NTPCR: variants seen among roughly 807,000 people sequenced by gnomAD.
The protein encoded by NTPCR is cancer-related nucleoside-triphosphatase.
NTPCR carries 15 observed loss-of-function variants against 19.5 expected under a neutral mutation model. The observed-to-expected ratio is 0.77, with a 90% CI of 0.51 to 1.18. The LOEUF is 1.18. Ranked by LOEUF, NTPCR falls within the 50% of genes most tolerant of loss-of-function variation. NTPCR has a pLI of 0.00. For missense variants in NTPCR, 206 were observed against 240.4 expected (o/e 0.86, Z 0.95); for synonymous variants, 90 against 95.8 (o/e 0.94, Z 0.36).
chr1:232,952,375 A>ATTTT, intron 1 of NTPCR, among the ~76,000 whole-genome samples: 1 of 141,772 alleles, frequency 7.1e-6, no homozygotes, highest in South Asian at 2.2e-4. Flanking sequence ...ACACCCGGGT[A>ATTTT]TTTTTTTTTT....
chr1:232,956,620 G>A (rs1467444487), intron 3 of NTPCR, among the ~76,000 whole-genome samples, 177 bp downstream of exon 3: 1 of 152,190 alleles, frequency 6.6e-6, no homozygotes, highest in Non-Finnish European at 1.5e-5. Flanking sequence ...CTGAGCTACA[G>A]ATAAATTCCT....
intron 3 of NTPCR, among the ~76,000 whole-genome samples, chr1:232,956,657 A>T (rs1668520500): frequency 6.6e-6 from 1 of 152,186 alleles, no homozygotes; most frequent in Non-Finnish European, 1.5e-5. Flanking sequence ...TAAATATTTT[A>T]TTTTGGAAAG....
At position 232,978,189 on chromosome 1, in the gene NTPCR, T is replaced by C. The variant is rs1669196243; in HGVS notation, c.531T>C (p.Leu177=). Residue 177 remains leucine, a synonymous_variant, in exon 5 of 5, where the codon CTT becomes CTC. Coordinates refer to ENST00000366628, the MANE Select transcript of NTPCR (RefSeq NM_032324.3). ...FNVTKENRNH[L]LPDIVTCVQS... ...TCACCAAGGAAAACAGAAACCACCTTCTGCCAGATATCGTGACGTGCGTGC... is the reference window on the plus strand; with the variant it reads ...TCACCAAGGAAAACAGAAACCACCTCCTGCCAGATATCGTGACGTGCGTGC... 6.2e-7 allele frequency: 1 copy of C among 1,614,194 alleles called. No homozygotes were observed.
At chr1:232,972,448 A>G (rs1301401401) in intron 4 of NTPCR, among the ~76,000 whole-genome samples, 11 of 151,484 alleles carry the variant, frequency 7.3e-5, no homozygotes, top group Admixed American at 7.2e-4. Flanking sequence ...TTTTTCTGAG[A>G]CAAGGTTAGT....
intron 1 of NTPCR, among the ~76,000 whole-genome samples, chr1:232,955,117 C>A (rs1020592645): frequency 6.6e-6 from 1 of 151,032 alleles, no homozygotes; most frequent in African/African-American, 2.4e-5. Flanking sequence ...AGTGTAGGTC[C>A]GTTTGTAATC....
chr1:232,979,216 T>A lies in NTPCR; in HGVS notation c.*985T>A, dbSNP rs1196623301. The A allele has an allele frequency of 6.6e-6, 1 of 152,178 alleles. No homozygotes were observed. Among genetic ancestry groups the A allele is most frequent in the Non-Finnish European group, 1.5e-5 (1 of 68,030 alleles). The allele number at this position is 152,178 out of a possible 1,614,324, so 9.4% of individuals were successfully genotyped here. A position where few individuals can be genotyped will look rare whatever the true frequency, so the allele number is the denominator to read the frequency against. Reference sequence around the variant, plus strand: ...CTTCCCTCCAAGTGGTAGATGGTACTGGAGTGATAAACAGTTCAGTGTTTT... The same window carrying A: ...CTTCCCTCCAAGTGGTAGATGGTACAGGAGTGATAAACAGTTCAGTGTTTT... On this transcript the variant is annotated 3_prime_UTR_variant, in exon 5 of 5. Coordinates refer to ENST00000366628, the MANE Select transcript of NTPCR (RefSeq NM_032324.3). The surrounding 1 kb of genome is among the most constrained non-coding windows in gnomAD (Gnocchi z 5.3).
At chr1:232,959,146 G>A (rs549085855) in intron 3 of NTPCR, among the ~76,000 whole-genome samples, 2 of 152,166 alleles carry the variant, frequency 1.3e-5, no homozygotes, top group African/African-American at 2.4e-5. Context: ...ATCCCCATGT[G>A]TGGAGGGAGA....
intron 4 of NTPCR, among the ~76,000 whole-genome samples, chr1:232,973,657 T>C: frequency 6.6e-6 from 1 of 152,162 alleles, no homozygotes; most frequent in East Asian, 1.9e-4. Context: ...AAATGCTTCA[T>C]AAAATTACAG....
At position 232,978,800 on chromosome 1, in the gene NTPCR, G is replaced by A. The variant is rs1669217121; in HGVS notation, c.*569G>A. On this transcript the variant is annotated 3_prime_UTR_variant, in exon 5 of 5. Coordinates refer to ENST00000366628, the MANE Select transcript of NTPCR (RefSeq NM_032324.3). The stretch of plus-strand genomic sequence containing the variant: ...AAAATAAATCTGATGGTTACAGACA[G>A]GAGGCATTGTGTGGGAGGAATACAC... 1 of 152,316 alleles carries A rather than the reference G, an allele frequency of 6.6e-6. No individual in the cohort carries two copies. The highest frequency in any genetic ancestry group is 1.5e-5 in the Non-Finnish European group (1 of 68,112). The allele number at this position is 152,316 out of a possible 1,614,324, so 9.4% of individuals were successfully genotyped here.
intron 1 of NTPCR, among the ~76,000 whole-genome samples, chr1:232,951,749 G>C (rs935616922): frequency 6.6e-6 from 1 of 152,176 alleles, no homozygotes; most frequent in Non-Finnish European, 1.5e-5. Context: ...GATTTTGTCA[G>C]GCATTGGATG....
At chr1:232,973,134 C>CGTG (rs1357774118) in intron 4 of NTPCR, among the ~76,000 whole-genome samples, 15 of 152,208 alleles carry the variant, frequency 9.9e-5, no homozygotes, top group African/African-American at 2.6e-4. Flanking sequence ...AGACTGAGCC[C>CGTG]GTGATATGGG....
intron 1 of NTPCR, among the ~76,000 whole-genome samples, chr1:232,952,631 C>T (rs1161231431): frequency 6.6e-6 from 1 of 152,110 alleles, no homozygotes; most frequent in Non-Finnish European, 1.5e-5. Flanking sequence ...CCACCTCAGC[C>T]TCCCTAGTAG....
rs994952938 is a variant in NTPCR, at chr1:232,978,569, T to C, written c.*338T>C. The stretch of plus-strand genomic sequence containing the variant: ...ATTCACCCCCGTTGAAGTTTATAAA[T>C]GTGTTCAGGGGAAGCGGGAGGAAAG... On this transcript the variant is annotated 3_prime_UTR_variant, in exon 5 of 5. Coordinates refer to ENST00000366628, the MANE Select transcript of NTPCR (RefSeq NM_032324.3). 1.0e-5 allele frequency: 2 copies of C among 193,494 alleles called. No individual in the cohort carries two copies. The highest frequency in any genetic ancestry group is 2.3e-5 in the African/African-American group (1 of 42,878). 12.0% of individuals were successfully genotyped at this position (193,494 alleles called of 1,614,324 possible). A position where few individuals can be genotyped will look rare whatever the true frequency, so the allele number is the denominator to read the frequency against.
chr1:232,953,562 C>G (rs369281589), intron 1 of NTPCR, among the ~76,000 whole-genome samples: 1 of 151,688 alleles, frequency 6.6e-6, no homozygotes, highest in Non-Finnish European at 1.5e-5. Flanking sequence ...AAAATATAAA[C>G]GGCAATTTTT....
rs1669279484 is a variant in NTPCR at position 232,981,521 on chromosome 1, CATTG to C, written c.*3291_*3294del. 1 of 152,142 alleles carries C rather than the reference CATTG, an allele frequency of 6.6e-6. No individual in the cohort carries two copies. Among genetic ancestry groups the C allele is most frequent in the African/African-American group, 2.4e-5 (1 of 41,424 alleles). 9.4% of individuals were successfully genotyped at this position (152,142 alleles called of 1,614,324 possible). On this transcript the variant is annotated 3_prime_UTR_variant, in exon 5 of 5. Coordinates refer to ENST00000366628, the MANE Select transcript of NTPCR (RefSeq NM_032324.3). ...GGGTGGGCTAAGTAAACAGGCATTG[CATTG>C]CACATTTTGTGGGCAAAGAAGTTGA...
chr1:232,975,366 G>A (rs1272797099), intron 4 of NTPCR, among the ~76,000 whole-genome samples: 2 of 152,144 alleles, frequency 1.3e-5, no homozygotes, highest in African/African-American at 2.4e-5. Context: ...TAGGTACGGC[G>A]AGAGACAGTA....
chr1:232,980,711 T>C lies in NTPCR; in HGVS notation c.*2480T>C, dbSNP rs72759988. 37,263 of 152,074 alleles carry C rather than the reference T, an allele frequency of 0.25. 4,623 individuals are homozygous for C. The highest frequency in any genetic ancestry group is 0.31 in the African/African-American group (12,887 of 41,448). 9.4% of individuals were successfully genotyped at this position (152,074 alleles called of 1,614,324 possible). A position where few individuals can be genotyped will look rare whatever the true frequency, so the allele number is the denominator to read the frequency against. On this transcript the variant is annotated 3_prime_UTR_variant, in exon 5 of 5. Transcript: ENST00000366628. Reference sequence around the variant, plus strand: ...CACACAGCCTGTAGCAACAGTGTCATGCTGAGATTTAAAGGAAGAAGAGGT... The same window carrying C: ...CACACAGCCTGTAGCAACAGTGTCACGCTGAGATTTAAAGGAAGAAGAGGT...
intron 3 of NTPCR, among the ~76,000 whole-genome samples, chr1:232,956,898 T>TA (rs1407897941): frequency 5.3e-5 from 8 of 152,256 alleles, no homozygotes; most frequent in Non-Finnish European, 1.0e-4. Flanking sequence ...ATTGACATCT[T>TA]ACGGCTTCTT....
intron 1 of NTPCR, 88 bp from the exon 2 acceptor site, chr1:232,955,469 T>C (rs1032428983): frequency 1.8e-6 from 2 of 1,109,446 alleles, no homozygotes; most frequent in Non-Finnish European, 2.5e-6. Flanking sequence ...AATTGCTGCC[T>C]CAGAGTCCAC....
Sources: gnomAD v4.1 joint callset for allele counts (sites outside exome capture counted in the v4.1 genomes callset) on GRCh38, gnomAD v4.1.1 for gene constraint, Gnocchi (gnomAD v3.1) non-coding constraint, MANE v1.5 for transcripts, NCBI Gene and HGNC (gene_info 2026-07-23, HGNC 2026-07-21) for gene names.